Variants in WWOX observed in about 807,000 individuals in gnomAD.
The protein encoded by WWOX is WW domain containing oxidoreductase, also known as WW domain-containing oxidoreductase.
In WWOX, 69 loss-of-function variants were observed where a neutral mutation model predicts 46.2. The observed-to-expected ratio is 1.49, with a 90% CI of 1.23 to 1.82. The LOEUF is 1.82. Among genes scored for constraint, WWOX ranks in the 40% most tolerant of loss-of-function variants. The pLI, the probability that WWOX is intolerant of heterozygous loss-of-function variation, is 0.00. For synonymous variants in WWOX, 359 were observed against 202.6 expected (o/e 1.77, Z -6.56); for missense variants, 919 against 542.6 (o/e 1.69, Z -6.89).
At chr16:79,061,137 C>G (rs2048350731) in intron 8 of WWOX, among the ~76,000 whole-genome samples, 1 of 152,128 alleles carries the variant, frequency 6.6e-6, no homozygotes, top group Admixed American at 6.5e-5. Context: ...GTCTCTCAAT[C>G]CTTTATGTTG....
At chr16:78,896,818 A>G (rs992807984) in intron 8 of WWOX, 3 of 152,134 alleles carry the variant, frequency 2.0e-5, no homozygotes, top group African/African-American at 4.8e-5. Context: ...TTATTGAGAC[A>G]TAATTTACAT....
intron 8 of WWOX, among the ~76,000 whole-genome samples, chr16:78,565,562 C>T (rs955357289): frequency 6.6e-6 from 1 of 152,158 alleles, no homozygotes; most frequent in African/African-American, 2.4e-5. Flanking sequence ...TTGGGAATAC[C>T]CAGATAATCT....
chr16:78,997,374 C>G (rs2047011209), intron 8 of WWOX, among the ~76,000 whole-genome samples: 1 of 152,160 alleles, frequency 6.6e-6, no homozygotes, highest in South Asian at 2.1e-4. Context: ...TGGCTTGGGT[C>G]TGTTTCTATT....
intron 5 of WWOX, among the ~76,000 whole-genome samples, chr16:78,199,365 C>T (rs892456258): frequency 1.3e-5 from 2 of 152,048 alleles, no homozygotes; most frequent in Non-Finnish European, 2.9e-5. Context: ...AACGAAAAAA[C>T]TCCCATGTAT....
chr16:78,492,485 G>T (rs2084807988), intron 8 of WWOX, among the ~76,000 whole-genome samples: 1 of 152,110 alleles, frequency 6.6e-6, no homozygotes, highest in African/African-American at 2.4e-5. Context: ...CTGTTTGCAT[G>T]TAACGTACAG....
intron 8 of WWOX, among the ~76,000 whole-genome samples, chr16:78,530,515 A>G (rs967160535): frequency 6.6e-6 from 1 of 152,156 alleles, no homozygotes; most frequent in Non-Finnish European, 1.5e-5. Context: ...GTGGTCTCTA[A>G]TTTCCAGCTG....
chr16:78,281,751 G>A (rs2079682682), intron 5 of WWOX, among the ~76,000 whole-genome samples: 1 of 151,908 alleles, frequency 6.6e-6, no homozygotes, highest in African/African-American at 2.4e-5. Context: ...ATTTAAAAAT[G>A]TGAAGCATTT....
At chr16:78,273,140 C>G (rs1294157662) in intron 5 of WWOX, among the ~76,000 whole-genome samples, 1 of 152,108 alleles carries the variant, frequency 6.6e-6, no homozygotes, top group African/African-American at 2.4e-5. Context: ...CTCCCAAATC[C>G]TTCTCAAGTC....
chr16:78,960,577 C>T (rs949058333), intron 8 of WWOX, among the ~76,000 whole-genome samples: 2 of 152,200 alleles, frequency 1.3e-5, no homozygotes, highest in Admixed American at 6.5e-5. Context: ...TGAGTTATGA[C>T]TGTCAGGCAT....
chr16:78,945,665 C>CT (rs373395210), intron 8 of WWOX, among the ~76,000 whole-genome samples: 27 of 152,040 alleles, frequency 1.8e-4, no homozygotes, highest in East Asian at 3.9e-4. Flanking sequence ...AAGTTGGCAT[C>CT]TTTTTTTCTT....
chr16:78,382,989 G>A (rs146450495), intron 5 of WWOX, among the ~76,000 whole-genome samples: 31 of 151,462 alleles, frequency 2.0e-4, no homozygotes, highest in Non-Finnish European at 4.0e-4. Context: ...GAGGAAGCAG[G>A]CAAATCTTAG....
At chr16:79,042,711 A>G (rs1314910462) in intron 8 of WWOX, among the ~76,000 whole-genome samples, 1 of 146,122 alleles carries the variant, frequency 6.8e-6, no homozygotes, top group African/African-American at 2.6e-5. Context: ...TTGTGGGAAG[A>G]CAGATGAATA....
intron 4 of WWOX, among the ~76,000 whole-genome samples, chr16:78,149,927 A>C (rs1301800313): frequency 1.3e-5 from 2 of 152,028 alleles, no homozygotes; most frequent in African/African-American, 2.4e-5. Context: ...AAATGTGTGG[A>C]GTGTTCCCTC....
intron 8 of WWOX, among the ~76,000 whole-genome samples, chr16:78,624,034 A>G (rs935986897): frequency 4.6e-5 from 7 of 152,174 alleles, no homozygotes; most frequent in African/African-American, 1.4e-4. Flanking sequence ...GAAAGTAAGA[A>G]CCCACAGCAT....
At position 78,658,457 on chromosome 16, in the gene WWOX, T is replaced by C. The variant is rs928532436; in HGVS notation, c.1056+225705T>C. Among the ~76,000 whole-genome samples, 4 of 152,280 alleles carry C rather than the reference T, an allele frequency of 2.6e-5. No individual in the cohort carries two copies. In the East Asian group the frequency reaches 7.7e-4, roughly 29 times the overall value. On this transcript the variant is annotated intron_variant, in intron 8 of 8. Transcript: ENST00000566780. ...CCTTGAAAACGTGCCATAGACTAGA[T>C]AGCTTGAAACAACAGAGATTTATTC...
At chr16:78,933,006 A>T (rs1389179355) in intron 8 of WWOX, among the ~76,000 whole-genome samples, 1 of 152,212 alleles carries the variant, frequency 6.6e-6, no homozygotes, top group African/African-American at 2.4e-5. Flanking sequence ...CTTGGGAATT[A>T]GACTCACCCA....
chr16:78,633,217 G>A lies in WWOX; in HGVS notation c.1056+200465G>A, dbSNP rs541840246. On this transcript the variant is annotated intron_variant, in intron 8 of 8. Transcript: ENST00000566780. ...GCAGAGGTTGCAGTGAGCTGAGATC[G>A]TGCCACTGCGCTCCATGCTAGGTGA... Among the ~76,000 whole-genome samples the A allele has an allele frequency of 2.1e-4, 32 of 152,272 alleles. No homozygotes were observed. The East Asian group carries it at 2.1e-3, about 10-fold the overall frequency.
chr16:78,888,771 A>C (rs76611703), intron 8 of WWOX, among the ~76,000 whole-genome samples: 1,625 of 152,102 alleles, frequency 0.011, 30 homozygotes, highest in African/African-American at 0.037. Flanking sequence ...TAGTTCTATG[A>C]CCTTTGTCAC....
At chr16:79,209,747 C>G (rs1199656742) in intron 8 of WWOX, among the ~76,000 whole-genome samples, 1 of 152,188 alleles carries the variant, frequency 6.6e-6, no homozygotes, top group Non-Finnish European at 1.5e-5. Context: ...TCCAATTTGT[C>G]TTTAGAGGCA....
Sources: allele counts gnomAD v4.1 joint callset (sites outside exome capture counted in the v4.1 genomes callset), GRCh38; gene constraint gnomAD v4.1.1; transcripts MANE v1.5; gene names NCBI Gene and HGNC (gene_info 2026-07-23, HGNC 2026-07-21).